Variants in DNAJC6 observed in about 807,000 individuals in gnomAD.
The protein encoded by DNAJC6 is auxilin.
DNAJC6 carries 34 observed loss-of-function variants against 110.0 expected under a neutral mutation model. The observed-to-expected ratio is 0.31, with a 90% CI of 0.24 to 0.41. DNAJC6 has a LOEUF of 0.41. Ranked by LOEUF, DNAJC6 falls within the 10% of genes least tolerant of loss-of-function variation. The pLI is 1.00. For synonymous variants in DNAJC6, 406 were observed against 437.2 expected (o/e 0.93, Z 0.89); for missense variants, 1,031 against 1,207.8 (o/e 0.85, Z 2.17).
chr1:65,292,430 A>G (rs1445362059), intron 1 of DNAJC6, among the ~76,000 whole-genome samples: 1 of 151,170 alleles, frequency 6.6e-6, no homozygotes, highest in Non-Finnish European at 1.5e-5. Flanking sequence ...AACCACCCCA[A>G]ACTTTTTTCT....
chr1:65,374,747 C>G (rs758616420), intron 4 of DNAJC6, among the ~76,000 whole-genome samples: 1 of 152,202 alleles, frequency 6.6e-6, no homozygotes, highest in East Asian at 1.9e-4. Flanking sequence ...TTGACTTCTT[C>G]CTTTCCAATT....
chr1:65,383,806 A>G (rs1041117895), intron 5 of DNAJC6, among the ~76,000 whole-genome samples: 1 of 152,252 alleles, frequency 6.6e-6, no homozygotes, highest in Non-Finnish European at 1.5e-5. Flanking sequence ...TGCATGAGAT[A>G]CATATATGCC....
At chr1:65,392,410 T>G (rs756648799) in intron 11 of DNAJC6, 21 bp from the exon 12 acceptor site, 2 of 1,556,234 alleles carry the variant, frequency 1.3e-6, no homozygotes, top group South Asian at 2.5e-5. Context: ...TAATCTCTTA[T>G]GGTATACTGG....
intron 1 of DNAJC6, among the ~76,000 whole-genome samples, chr1:65,282,337 T>C (rs761204912): frequency 2.0e-5 from 3 of 152,188 alleles, no homozygotes; most frequent in Non-Finnish European, 2.9e-5. Flanking sequence ...GCAGTGTTTG[T>C]TGAGATGCAA....
chr1:65,413,119 T>C lies in DNAJC6; in HGVS notation c.*94T>C. On this transcript the variant is annotated 3_prime_UTR_variant, in exon 19 of 19. Transcript: ENST00000371069. ...TTCGCAGATGAACCAAAAACTCCAG[T>C]AACATGTTTTCAGTACTAAACCGTT... is the stretch of plus-strand genomic sequence containing the variant. 3 of 1,029,742 alleles carry C rather than the reference T, an allele frequency of 2.9e-6. No homozygotes were observed. Among genetic ancestry groups the C allele is most frequent in the Non-Finnish European group, 4.4e-6 (3 of 679,132 alleles). The allele number at this position is 1,029,742 out of a possible 1,614,324, so 63.8% of individuals were successfully genotyped here. A position where few individuals can be genotyped will look rare whatever the true frequency, so the allele number is the denominator to read the frequency against.
chr1:65,386,191 A>G (rs543035095), intron 7 of DNAJC6, among the ~76,000 whole-genome samples: 6 of 152,302 alleles, frequency 3.9e-5, no homozygotes, highest in Admixed American at 3.9e-4. Flanking sequence ...GAAGAAGGAG[A>G]TGGCCTTGAT....
At chr1:65,379,584 G>C in intron 5 of DNAJC6, 60 bp downstream of exon 5, 1 of 1,587,044 alleles carries the variant, frequency 6.3e-7, no homozygotes, top group South Asian at 1.2e-5. Context: ...GGATGAGCCT[G>C]TACACAATGG....
In DNAJC6 at chr1:65,316,728, C is replaced by T. The variant is rs114397800; in HGVS notation, c.193+6790C>T. Among the ~76,000 whole-genome samples, 996 of 152,112 alleles carry T rather than the reference C, an allele frequency of 6.5e-3. 9 individuals carry two copies. Among genetic ancestry groups the T allele is most frequent in the Admixed American group, 0.01 (159 of 15,270 alleles). ...GTTTGAGAGAAATGTAACTGTTGGT[C>T]GAAAGCTAGACCAATTCAGTAATGA... is the stretch of plus-strand genomic sequence containing the variant. On this transcript the variant is annotated intron_variant, in intron 1 of 18. Transcript: ENST00000371069.
At chr1:65,331,562 A>G (rs1489874628) in intron 1 of DNAJC6, among the ~76,000 whole-genome samples, 3 of 152,322 alleles carry the variant, frequency 2.0e-5, no homozygotes, top group East Asian at 1.9e-4. Flanking sequence ...AGTGCACTGG[A>G]GCCTGAGGTC....
chr1:65,264,963 G>T (rs769619846), intron 1 of DNAJC6: 1 of 1,607,578 alleles, frequency 6.2e-7, no homozygotes, highest in African/African-American at 1.3e-5. Flanking sequence ...AGATGGCTAA[G>T]AGAGGGCTAA....
chr1:65,389,647 T>G lies in DNAJC6; in HGVS notation c.1468+20T>G. On this transcript the variant is annotated intron_variant, in intron 11 of 18. Coordinates refer to ENST00000371069, the MANE Select transcript of DNAJC6 (RefSeq NM_001256864.2). ...GGCAAGGTATTTACAAGTGTTTCTT[T>G]AAGTCACATGGTTTGATGATTATGT... 6.2e-7 allele frequency: 1 copy of G among 1,610,752 alleles called. No individual in the cohort carries two copies. Among genetic ancestry groups the G allele is most frequent in the Non-Finnish European group, 8.5e-7 (1 of 1,176,916 alleles).
Position 65,385,731 on chromosome 1 carries a change from G to C in DNAJC6, c.820G>C (p.Asp274His). 6.2e-7 allele frequency: 1 copy of C among 1,611,014 alleles called. No individual in the cohort carries two copies. Among genetic ancestry groups the C allele is most frequent in the Non-Finnish European group, 8.5e-7 (1 of 1,177,688 alleles). ...SHRRYLGYMCDLLADKPYRPH... is the reference protein window; with the variant it reads ...SHRRYLGYMCHLLADKPYRPH... ...TTTCAGATACCTGGGCTATATGTGT[G>C]ACCTACTGGCAGACAAGCCCTACCG... is the stretch of plus-strand genomic sequence containing the variant. The change falls in exon 7 of 19, where the codon GAC (aspartate) becomes CAC (histidine). Residue 274 changes from aspartate to histidine, a missense_variant. Asp to His is a moderately conservative substitution (Grantham distance 81). Transcript: ENST00000371069.
intron 1 of DNAJC6, among the ~76,000 whole-genome samples, chr1:65,330,415 C>A (rs916070331): frequency 6.6e-6 from 1 of 152,146 alleles, no homozygotes; most frequent in Admixed American, 6.5e-5. Context: ...GCATATGTCA[C>A]AAAGGCCATC....
intron 1 of DNAJC6, among the ~76,000 whole-genome samples, chr1:65,334,065 G>A (rs1645312582): frequency 6.6e-6 from 1 of 152,164 alleles, no homozygotes. Flanking sequence ...TTATCGTTAG[G>A]TTAATGTAAC....
intron 4 of DNAJC6, among the ~76,000 whole-genome samples, chr1:65,374,515 C>T (rs1645740939): frequency 6.6e-6 from 1 of 150,464 alleles, no homozygotes; most frequent in South Asian, 2.1e-4. Context: ...AGATTGATTC[C>T]CAGGTATTTT....
At chr1:65,398,344 G>C (rs1273132010) in intron 13 of DNAJC6, among the ~76,000 whole-genome samples, 1 of 152,168 alleles carries the variant, frequency 6.6e-6, no homozygotes, top group Non-Finnish European at 1.5e-5. Flanking sequence ...TCAGTTTTGA[G>C]TGGATTATGC....
At chr1:65,275,958 G>A (rs1653656140) in intron 1 of DNAJC6, among the ~76,000 whole-genome samples, 1 of 146,490 alleles carries the variant, frequency 6.8e-6, no homozygotes, top group South Asian at 2.2e-4. Context: ...GTGCGATCCT[G>A]GCTCACTGCA....
At chr1:65,387,138 A>C (rs1034082102) in intron 8 of DNAJC6, among the ~76,000 whole-genome samples, 1 of 152,192 alleles carries the variant, frequency 6.6e-6, no homozygotes, top group African/African-American at 2.4e-5. Context: ...AGTCCTTGGC[A>C]TGATGTCCGT....
At chr1:65,282,565 AAG>A (rs1273425462) in intron 1 of DNAJC6, among the ~76,000 whole-genome samples, 1 of 152,186 alleles carries the variant, frequency 6.6e-6, no homozygotes, top group Non-Finnish European at 1.5e-5. Context: ...AGGAAAAATC[AAG>A]ATATTAACCT....
Sources: allele counts gnomAD v4.1 joint callset (sites outside exome capture counted in the v4.1 genomes callset), GRCh38; gene constraint gnomAD v4.1.1; transcripts MANE v1.5; gene names NCBI Gene and HGNC (gene_info 2026-07-23, HGNC 2026-07-21).